IGSF10: variants seen among roughly 807,000 people sequenced by gnomAD.
The protein encoded by IGSF10 is immunoglobulin superfamily member 10.
In IGSF10, 126 loss-of-function variants were observed where a neutral mutation model predicts 128.2. That is an observed-to-expected ratio of 0.98 (90% CI 0.85 to 1.14). The LOEUF (loss-of-function observed/expected upper bound fraction) is 1.14. Ranked by LOEUF, IGSF10 falls within the 50% of genes most tolerant of loss-of-function variation. The probability of loss-of-function intolerance (pLI) is 0.00; values close to 1 mark genes in which losing one functional copy is unlikely to be tolerated. For missense variants in IGSF10, 3,295 were observed against 3,149.8 expected, an observed-to-expected ratio of 1.05 and a Z score of -1.10; for synonymous variants, 1,185 against 1,146.2, an observed-to-expected ratio of 1.03 and a Z score of -0.68.
chr3:151,451,721 G>A (rs1208221316), intron 5 of IGSF10, among the ~76,000 whole-genome samples: 1 of 152,136 alleles, frequency 6.6e-6, no homozygotes, highest in Non-Finnish European at 1.5e-5. Flanking sequence ...ATGTATTGGT[G>A]CTATGACATA....
intron 5 of IGSF10, among the ~76,000 whole-genome samples, chr3:151,450,104 AG>A: frequency 1.3e-5 from 2 of 152,350 alleles, no homozygotes; most frequent in Middle Eastern, 3.4e-3. Flanking sequence ...CAAGTCTTAC[AG>A]CACTAGGACC....
the IGSF10 span, among the ~76,000 whole-genome samples, chr3:151,550,988 A>G: frequency 6.6e-6 from 1 of 151,988 alleles, no homozygotes; most frequent in Non-Finnish European, 1.5e-5. Flanking sequence ...CTTGTAATGG[A>G]CTTACCTGGG....
intron 5 of IGSF10, among the ~76,000 whole-genome samples, chr3:151,450,752 C>T (rs1402136766): frequency 6.6e-6 from 1 of 151,816 alleles, no homozygotes; most frequent in African/African-American, 2.4e-5. Context: ...CAAAATTAGC[C>T]AGGCATGGTG....
Position 151,445,141 on chromosome 3 carries a change from T to C in IGSF10, c.4840A>G (p.Lys1614Glu), listed in dbSNP as rs1221980422. Residue 1614 changes from lysine to glutamate, a missense_variant, in exon 6 of 8, where the codon AAG becomes GAG. By Grantham distance (56) the Lys-to-Glu change is moderately conservative. Transcript: ENST00000282466. The stretch of plus-strand genomic sequence containing the variant: ...TCAAAGTCACTCTTCTTTGTGTTCT[T>C]CTGTCCATCCCAATCTGAAACAAGA... ...TTLVSDWDGQ[K>E]NTKKSDFDKK... is the part of the protein sequence containing the mutation. The C allele has an allele frequency of 1.2e-6, 2 of 1,614,234 alleles. No homozygotes were observed. The highest frequency in any genetic ancestry group is 3.3e-4 in the Middle Eastern group (2 of 6,060).
chr3:151,515,153 A>G, the IGSF10 span, among the ~76,000 whole-genome samples: 42 of 152,144 alleles, frequency 2.8e-4, no homozygotes, highest in African/African-American at 9.2e-4. Flanking sequence ...ATGCTGCTAT[A>G]AAGACACATG....
Position 151,446,533 on chromosome 3 carries a change from T to C in IGSF10, c.3448A>G (p.Ile1150Val). ...GAVMTYAPTS[I>V]PMEKTHKVNA... ...ACTTTGTGAGTTTTTTCCATGGGTA[T>C]GGATGTTGGAGCATATGTCATGACT... The change falls in exon 6 of 8, where the codon ATA (isoleucine) becomes GTA (valine). Residue 1150 changes from isoleucine to valine, a missense_variant. By Grantham distance (29) the Ile-to-Val change is conservative. Coordinates refer to ENST00000282466, the MANE Select transcript of IGSF10 (RefSeq NM_178822.5). 1 of 1,614,152 alleles carries C rather than the reference T, an allele frequency of 6.2e-7. No individual in the cohort carries two copies. Among genetic ancestry groups the C allele is most frequent in the Non-Finnish European group, 8.5e-7 (1 of 1,179,996 alleles).
At chr3:151,491,344 T>C in the IGSF10 span, among the ~76,000 whole-genome samples, 1 of 151,964 alleles carries the variant, frequency 6.6e-6, no homozygotes, top group Non-Finnish European at 1.5e-5. Flanking sequence ...TGGGAGGCCA[T>C]GGCAGGTGGA....
At chr3:151,503,071 A>G in the IGSF10 span, among the ~76,000 whole-genome samples, 3 of 152,132 alleles carry the variant, frequency 2.0e-5, no homozygotes, top group Non-Finnish European at 4.4e-5. Context: ...GTGTGAGATC[A>G]TATCAAAAAA....
At chr3:151,435,972 A>AGTT (rs1348087942), downstream of IGSF10, 3 of 152,152 alleles carry the variant, frequency 2.0e-5, no homozygotes, top group East Asian at 3.9e-4. Flanking sequence ...TAGATTTTAA[A>AGTT]GTTATAAAGA....
At chr3:151,603,358 T>A in the IGSF10 span, among the ~76,000 whole-genome samples, 2 of 152,220 alleles carry the variant, frequency 1.3e-5, no homozygotes, top group African/African-American at 2.4e-5. Context: ...GAGGATTAGA[T>A]GAGAAAACAT....
chr3:151,618,125 G>A, the IGSF10 span, among the ~76,000 whole-genome samples: 2 of 152,088 alleles, frequency 1.3e-5, no homozygotes, highest in Admixed American at 6.5e-5. Context: ...TTATTAATGG[G>A]ATCAGTGACC....
the IGSF10 span, among the ~76,000 whole-genome samples, chr3:151,504,407 T>C: frequency 6.6e-6 from 1 of 152,208 alleles, no homozygotes; most frequent in Non-Finnish European, 1.5e-5. Flanking sequence ...GCAGAGGTAA[T>C]ACCTGAAGAG....
chr3:151,457,285 G>T, intron 3 of IGSF10, 130 bp from the exon 4 acceptor site: 1 of 881,426 alleles, frequency 1.1e-6, no homozygotes, highest in Non-Finnish European at 1.7e-6. Context: ...ACAATCAAAT[G>T]CTTCAAAAAC....
chr3:151,543,159 T>G, the IGSF10 span, among the ~76,000 whole-genome samples: 1 of 152,208 alleles, frequency 6.6e-6, no homozygotes, highest in Non-Finnish European at 1.5e-5. Context: ...GGAGACTAAG[T>G]CCATGATTAT....
the IGSF10 span, among the ~76,000 whole-genome samples, chr3:151,501,442 T>TA: frequency 1.3e-5 from 1 of 78,026 alleles, no homozygotes; most frequent in African/African-American, 5.0e-5. Flanking sequence ...GTACTTAGTA[T>TA]AAAGCTTGGT....
At chr3:151,536,546 T>A in the IGSF10 span, among the ~76,000 whole-genome samples, 1 of 152,164 alleles carries the variant, frequency 6.6e-6, no homozygotes. Flanking sequence ...AAAGGGTCCA[T>A]GCAAGGAAGG....
At chr3:151,516,038 G>C in the IGSF10 span, among the ~76,000 whole-genome samples, 1 of 151,910 alleles carries the variant, frequency 6.6e-6, no homozygotes, top group Non-Finnish European at 1.5e-5. Context: ...GCTTTTCATG[G>C]TTCACTGACT....
At chr3:151,531,723 A>T in the IGSF10 span, among the ~76,000 whole-genome samples, 81 of 152,184 alleles carry the variant, frequency 5.3e-4, no homozygotes, top group African/African-American at 1.8e-3. Context: ...TGTCCACAAG[A>T]GAAAGCAGGA....
chr3:151,599,673 T>C, the IGSF10 span, among the ~76,000 whole-genome samples: 1 of 152,222 alleles, frequency 6.6e-6, no homozygotes, highest in African/African-American at 2.4e-5. Context: ...GACAAAATAA[T>C]TCTTCTTGTT....
Sources: gnomAD v4.1 joint callset for allele counts (sites outside exome capture counted in the v4.1 genomes callset) on GRCh38, gnomAD v4.1.1 for gene constraint, MANE v1.5 for transcripts, NCBI Gene and HGNC (gene_info 2026-07-23, HGNC 2026-07-21) for gene names.